The following AGL variants were observed in gnomAD, a reference collection of about 807,000 sequenced individuals.
The protein encoded by AGL is glycogen debranching enzyme.
A neutral mutation model predicts 199.3 loss-of-function variants in AGL; 128 were observed. The ratio of observed to expected loss-of-function variants is 0.64; its 90% CI spans 0.56 to 0.74. The LOEUF (loss-of-function observed/expected upper bound fraction) is 0.74, where lower values mean the gene tolerates loss of function less well. Ranked by LOEUF, AGL falls within the 30% of genes least tolerant of loss-of-function variation. The pLI is 0.00. For synonymous variants in AGL, 584 were observed against 594.7 expected, an observed-to-expected ratio of 0.98 and a Z score of 0.26; for missense variants, 1,809 against 1,820.8, an observed-to-expected ratio of 0.99 and a Z score of 0.12.
chr1:99,913,497 A>G lies in AGL; in HGVS notation c.3950-30A>G, dbSNP rs370133275. On this transcript the variant is annotated intron_variant, in intron 29 of 33. Coordinates refer to ENST00000361915, the MANE Select transcript of AGL (RefSeq NM_000642.3). Reference sequence around the variant, plus strand: ...GATGTGTGAATTGTTTTGAATGATTAAAACTACCATGTCTTATGTCATTTT... The same window carrying G: ...GATGTGTGAATTGTTTTGAATGATTGAAACTACCATGTCTTATGTCATTTT... 5 of 1,546,386 alleles carry G rather than the reference A, an allele frequency of 3.2e-6. No homozygotes were observed. In the Admixed American group the frequency reaches 8.4e-5, roughly 26 times the overall value.
In AGL at chr1:99,861,531, A is replaced by C. The variant is rs774144631; in HGVS notation, c.111A>C (p.Pro37=). 1 of 1,614,036 alleles carries C rather than the reference A, an allele frequency of 6.2e-7. No homozygotes were observed. Among genetic ancestry groups the C allele is most frequent in the Non-Finnish European group, 8.5e-7 (1 of 1,179,950 alleles). Residue 37 remains proline, a synonymous_variant, in exon 3 of 34, where the codon CCA becomes CCC. Transcript: ENST00000361915. ...QGYELQFRLG[P]TLQGKAVTVY... is the part of the protein sequence containing the mutation. ...ATGAGCTACAGTTCCGATTAGGCCC[A>C]ACTTTACAGGGAAAAGCAGTTACCG...
rs1655046325 is a variant in AGL, at chr1:99,915,460, C to T, written c.4233C>T (p.Pro1411=). The change falls in exon 31 of 34, where the codon CCC becomes CCT. Residue 1411 remains proline, a synonymous_variant. Coordinates refer to ENST00000361915, the MANE Select transcript of AGL (RefSeq NM_000642.3). ...TTGCAGAAAAAAAATTGCTTGGTCC[C>T]CTTGGCATGAAAACTTTAGATCCAG... The part of the protein sequence containing the change: ...LEIAEKKLLG[P]LGMKTLDPDD... 6.2e-7 allele frequency: 1 copy of T among 1,613,078 alleles called. No homozygotes were observed. The highest frequency in any genetic ancestry group is 1.7e-5 in the Admixed American group (1 of 59,936).
rs3753494 is a variant in AGL, at chr1:99,892,547, C to T, written c.3199C>T (p.Pro1067Ser). 225,966 of 1,612,830 alleles carry T rather than the reference C, an allele frequency of 0.14. 16,526 individuals are homozygous for T. Among genetic ancestry groups the T allele is most frequent in the Middle Eastern group, 0.23 (1,394 of 6,056 alleles). Residue 1067 changes from proline (P) to serine (S), a missense_variant, in exon 24 of 34, where the codon CCT (proline) becomes TCT (serine). Coordinates refer to ENST00000361915, the MANE Select transcript of AGL (RefSeq NM_000642.3). ...PILSPALMDV[P>S]YRLNEITKEK... ...TCTTTCACCTGCCCTAATGGATGTACCTTATAGGTTAAATGAGATCACAAA... is the reference window on the plus strand; with the variant it reads ...TCTTTCACCTGCCCTAATGGATGTATCTTATAGGTTAAATGAGATCACAAA...
intron 27 of AGL, among the ~76,000 whole-genome samples, chr1:99,905,560 T>A (rs888587250): frequency 5.3e-5 from 8 of 152,162 alleles, no homozygotes; most frequent in Non-Finnish European, 1.5e-5. Flanking sequence ...GGTTCACGTA[T>A]TTTGCACATT....
At chr1:99,865,781 T>C (rs1650453787) in intron 5 of AGL, among the ~76,000 whole-genome samples, 1 of 152,190 alleles carries the variant, frequency 6.6e-6, no homozygotes, top group Admixed American at 6.5e-5. Context: ...ATAGAAACTA[T>C]GAAGATATTT....
chr1:99,892,240 T>C (rs1652951435), intron 23 of AGL, among the ~76,000 whole-genome samples, 192 bp from the exon 24 acceptor site: 2 of 152,290 alleles, frequency 1.3e-5, no homozygotes, highest in South Asian at 4.1e-4. Flanking sequence ...ATCTGTGGAC[T>C]GTAAGCCAGC....
At position 99,876,446 on chromosome 1, in the gene AGL, A is replaced by C. The variant is rs886044918; in HGVS notation, c.1284-12A>C. ...CTTTGTATGGATTTAATATTTAATT[A>C]TATTTTCATAGGTATTTTACTTTCC... On this transcript the variant is annotated splice_polypyrimidine_tract_variant and intron_variant, in intron 10 of 33. Coordinates refer to ENST00000361915, the MANE Select transcript of AGL (RefSeq NM_000642.3). 6.5e-6 allele frequency: 10 copies of C among 1,541,040 alleles called. No homozygotes were observed. The highest frequency in any genetic ancestry group is 8.0e-6 in the Non-Finnish European group (9 of 1,126,570).
intron 2 of AGL, among the ~76,000 whole-genome samples, chr1:99,858,280 T>A (rs1571221030): frequency 6.6e-6 from 1 of 152,344 alleles, no homozygotes; most frequent in Non-Finnish European, 1.5e-5. Context: ...GATAGTATGA[T>A]ACTTAGAAAA....
chr1:99,869,485 G>A (rs1650807446), intron 5 of AGL, among the ~76,000 whole-genome samples: 1 of 152,200 alleles, frequency 6.6e-6, no homozygotes, highest in African/African-American at 2.4e-5. Context: ...GGTTAAGATT[G>A]CATATTCTGA....
At position 99,862,437 on chromosome 1, in the gene AGL, G is replaced by T; in HGVS notation, c.460+14G>T. The stretch of plus-strand genomic sequence containing the variant: ...CAAAAGAATCAGGTAATGTCAGCTT[G>T]CTTTCTTTTTCTTATTTAAAAAAAT... On this transcript the variant is annotated intron_variant, in intron 4 of 33. Coordinates refer to ENST00000361915, the MANE Select transcript of AGL (RefSeq NM_000642.3). 3.1e-6 allele frequency: 5 copies of T among 1,613,494 alleles called. No individual in the cohort carries two copies. The highest frequency in any genetic ancestry group is 4.2e-6 in the Non-Finnish European group (5 of 1,179,656).
chr1:99,865,260 T>C (rs1217645223), intron 5 of AGL, among the ~76,000 whole-genome samples: 1 of 152,186 alleles, frequency 6.6e-6, no homozygotes. Flanking sequence ...GGGACTACTC[T>C]ATTAATCCTT....
chr1:99,880,807 A>G lies in AGL; in HGVS notation c.1899+12A>G. Reference sequence around the variant, plus strand: ...AGTGTCCTATTGTGGTAAGCACCTAATCTTTTTCATGTACTTATTTTGCTA... The same window carrying G: ...AGTGTCCTATTGTGGTAAGCACCTAGTCTTTTTCATGTACTTATTTTGCTA... On this transcript the variant is annotated intron_variant, in intron 14 of 33. Transcript: ENST00000361915. 1 of 1,613,638 alleles carries G rather than the reference A, an allele frequency of 6.2e-7. No homozygotes were observed.
chr1:99,853,462 CTT>C (rs1053074500), intron 2 of AGL, among the ~76,000 whole-genome samples: 1 of 152,240 alleles, frequency 6.6e-6, no homozygotes, highest in Non-Finnish European at 1.5e-5. Context: ...TTTGTGAAGT[CTT>C]TCCCTAATTT....
chr1:99,900,566 T>G, intron 25 of AGL, 70 bp from the exon 26 acceptor site: 1 of 1,400,056 alleles, frequency 7.1e-7, no homozygotes, highest in Non-Finnish European at 1.0e-6. Flanking sequence ...TCACCAAAAG[T>G]GACTGGTTTT....
chr1:99,912,684 A>G lies in AGL; in HGVS notation c.3949+167A>G, dbSNP rs561402746. 2.0e-5 allele frequency among the ~76,000 whole-genome samples: 3 copies of G among 152,344 alleles called. No individual in the cohort carries two copies. In the South Asian group the frequency reaches 6.2e-4, roughly 32 times the overall value. ...GTGAAAATTGTAACAATTCTAGTTG[A>G]ACCATATTTGTCGCAACTTTGAACT... is the stretch of plus-strand genomic sequence containing the variant. On this transcript the variant is annotated intron_variant, in intron 29 of 33. Coordinates refer to ENST00000361915, the MANE Select transcript of AGL (RefSeq NM_000642.3).
rs1449725301 is a variant in AGL at position 99,870,748 on chromosome 1, C to T, written c.847-10C>T. 1.9e-6 allele frequency: 3 copies of T among 1,549,288 alleles called. No homozygotes were observed. The highest frequency in any genetic ancestry group is 2.7e-6 in the Non-Finnish European group (3 of 1,122,098). On this transcript the variant is annotated splice_polypyrimidine_tract_variant and intron_variant, in intron 6 of 33. Transcript: ENST00000361915. ...TATATATGTATTTTTTAACTATTGA[C>T]ATTTTTCAGTCCATCCGAAAAATAA...
chr1:99,884,747 A>G, intron 20 of AGL, 44 bp downstream of exon 20: 2 of 1,608,800 alleles, frequency 1.2e-6, no homozygotes, highest in Non-Finnish European at 1.7e-6. Flanking sequence ...CTTAATAAGT[A>G]AGTTACCACT....
chr1:99,895,685 G>A (rs1475709228), intron 24 of AGL, among the ~76,000 whole-genome samples: 2 of 152,200 alleles, frequency 1.3e-5, no homozygotes, highest in East Asian at 3.9e-4. Context: ...ATTTATAAAA[G>A]AAAGTTTGGC....
intron 4 of AGL, among the ~76,000 whole-genome samples, chr1:99,863,740 C>T (rs1255420205): frequency 3.4e-5 from 5 of 147,444 alleles, no homozygotes; most frequent in South Asian, 2.2e-4. Context: ...TGAGCCACTG[C>T]GCCTGGCCTT....
Sources: allele counts gnomAD v4.1 joint callset (sites outside exome capture counted in the v4.1 genomes callset), GRCh38; gene constraint gnomAD v4.1.1; transcripts MANE v1.5; gene names NCBI Gene and HGNC (gene_info 2026-07-23, HGNC 2026-07-21).